ZNF638: variants seen among roughly 807,000 people sequenced by gnomAD.
The protein encoded by ZNF638 is CTCL tumor antigen se33-1.
A neutral mutation model predicts 195.6 loss-of-function variants in ZNF638; 46 were observed. The ratio of observed to expected loss-of-function variants is 0.24; its 90% CI spans 0.19 to 0.30. ZNF638 has a LOEUF of 0.30. Ranked by LOEUF, ZNF638 falls within the 10% of genes least tolerant of loss-of-function variation. The pLI is 1.00. For missense variants in ZNF638, 2,440 were observed against 2,325.3 expected (o/e 1.05, Z -1.01); for synonymous variants, 845 against 772.0 (o/e 1.09, Z -1.57).
intron 1 of ZNF638, 161 bp from the exon 2 acceptor site, chr2:71,348,592 T>C: frequency 8.3e-7 from 1 of 1,199,770 alleles, no homozygotes; most frequent in Non-Finnish European, 1.1e-6. Context: ...GAAGAGAAAG[T>C]TTTTGGGAAA....
intron 7 of ZNF638, among the ~76,000 whole-genome samples, chr2:71,369,120 A>T (rs190797221): frequency 1.3e-5 from 2 of 152,168 alleles, no homozygotes; most frequent in East Asian, 3.9e-4. Flanking sequence ...GGATCGCCTG[A>T]GATCAGGAGT....
At chr2:71,368,990 C>T (rs1228282015) in intron 7 of ZNF638, among the ~76,000 whole-genome samples, 1 of 152,158 alleles carries the variant, frequency 6.6e-6, no homozygotes, top group East Asian at 1.9e-4. Flanking sequence ...CTATAACTCA[C>T]ATGATAAAGT....
intron 15 of ZNF638, among the ~76,000 whole-genome samples, chr2:71,401,547 C>T (rs1272220950): frequency 6.6e-6 from 1 of 152,038 alleles, no homozygotes; most frequent in African/African-American, 2.4e-5. Flanking sequence ...AACAAATGAA[C>T]TTGTGTTTTA....
intron 3 of ZNF638, among the ~76,000 whole-genome samples, chr2:71,359,184 C>A (rs768977464): frequency 1.3e-5 from 2 of 152,044 alleles, no homozygotes; most frequent in East Asian, 3.9e-4. Context: ...ATTATGGAGG[C>A]GGAGAAGTCC....
intron 16 of ZNF638, 94 bp downstream of exon 16, chr2:71,402,181 G>A (rs1468044846): frequency 1.5e-6 from 2 of 1,329,116 alleles, no homozygotes; most frequent in East Asian, 5.1e-5. Context: ...AGGTTTAAAA[G>A]CAGTATCTCA....
At chr2:71,426,368 A>C in intron 23 of ZNF638, 92 bp from the exon 24 acceptor site, 2 of 956,046 alleles carry the variant, frequency 2.1e-6, no homozygotes, top group South Asian at 1.8e-5. Flanking sequence ...AATTCTCCCA[A>C]ATGATCTGCA....
Position 71,428,411 on chromosome 2 carries a change from A to G in ZNF638, c.5546-136A>G, listed in dbSNP as rs189725609. On this transcript the variant is annotated intron_variant, in intron 24 of 27. Transcript: ENST00000264447. ...AAATAGAATTCTTCTATTTTATATT[A>G]GCAGTAGGCTTCCCTCCCAAATTTG... The G allele has an allele frequency of 3.1e-4, 178 of 572,368 alleles. 1 individual carries two copies. Among genetic ancestry groups the G allele is most frequent in the Middle Eastern group, 1.5e-3 (3 of 2,040 alleles). 35.5% of individuals were successfully genotyped at this position (572,368 alleles called of 1,614,324 possible).
chr2:71,356,447 T>C (rs1274427810), intron 3 of ZNF638, among the ~76,000 whole-genome samples: 2 of 152,170 alleles, frequency 1.3e-5, no homozygotes, highest in Non-Finnish European at 2.9e-5. Flanking sequence ...TAACGTGTTA[T>C]TGGGCAAATG....
At chr2:71,393,683 C>T (rs781740317) in intron 10 of ZNF638, 18 of 710,066 alleles carry the variant, frequency 2.5e-5, no homozygotes, top group Non-Finnish European at 4.7e-5. Flanking sequence ...TTTATGCTCT[C>T]GCTTCCCCTG....
intron 20 of ZNF638, among the ~76,000 whole-genome samples, chr2:71,417,747 C>A (rs1044703502): frequency 1.3e-5 from 2 of 151,684 alleles, no homozygotes; most frequent in Non-Finnish European, 2.9e-5. Flanking sequence ...TAAAAACCAT[C>A]ATCTTTAGTT....
chr2:71,346,274 C>T (rs531487074), intron 1 of ZNF638, among the ~76,000 whole-genome samples: 3 of 152,132 alleles, frequency 2.0e-5, no homozygotes, highest in Non-Finnish European at 4.4e-5. Flanking sequence ...ATAAGCAATG[C>T]GTATCTTTTA....
At chr2:71,410,933 T>A (rs1472688064) in intron 20 of ZNF638, among the ~76,000 whole-genome samples, 2 of 150,824 alleles carry the variant, frequency 1.3e-5, no homozygotes, top group Admixed American at 6.6e-5. Flanking sequence ...TGGGACTCAT[T>A]TCCTGCATCC....
chr2:71,404,852 T>G (rs1262991307), intron 17 of ZNF638, among the ~76,000 whole-genome samples: 1 of 152,230 alleles, frequency 6.6e-6, no homozygotes, highest in Admixed American at 6.5e-5. Flanking sequence ...CTTCAGTGCC[T>G]CTATGTGACC....
At chr2:71,374,593 A>T (rs567612118) in intron 8 of ZNF638, among the ~76,000 whole-genome samples, 2 of 152,338 alleles carry the variant, frequency 1.3e-5, no homozygotes, top group East Asian at 1.9e-4. Context: ...TGAATTCGTG[A>T]TAGTATTTTT....
intron 23 of ZNF638, 62 bp downstream of exon 23, chr2:71,424,777 C>A: frequency 7.5e-7 from 1 of 1,339,080 alleles, no homozygotes; most frequent in Non-Finnish European, 1.0e-6. Flanking sequence ...GTTCATCTAT[C>A]TTATAACTTG....
At chr2:71,385,394 C>G (rs546039755) in intron 10 of ZNF638, among the ~76,000 whole-genome samples, 1 of 152,116 alleles carries the variant, frequency 6.6e-6, no homozygotes, top group Non-Finnish European at 1.5e-5. Flanking sequence ...AAATGTTCTT[C>G]AGTGGATGAA....
intron 27 of ZNF638, among the ~76,000 whole-genome samples, chr2:71,434,289 A>G (rs1380782468): frequency 2.0e-5 from 3 of 151,748 alleles, no homozygotes; most frequent in Non-Finnish European, 2.9e-5. Flanking sequence ...TCCCAGTCCT[A>G]CTCGCATGGC....
chr2:71,423,168 C>T lies in ZNF638; in HGVS notation c.3654C>T (p.Asn1218=), dbSNP rs1179769333. The T allele has an allele frequency of 1.2e-6, 2 of 1,614,062 alleles. No individual in the cohort carries two copies. The highest frequency in any genetic ancestry group is 1.7e-6 in the Non-Finnish European group (2 of 1,179,986). ...DLEKKGAEII[N]PKTALLPSDS... is the part of the protein sequence containing the mutation. The stretch of plus-strand genomic sequence containing the variant: ...AGAAGAAAGGGGCAGAAATTATTAA[C>T]CCTAAAACAGCATTGTTACCATCTG... The change falls in exon 22 of 28, where the codon AAC becomes AAT. Residue 1218 remains asparagine, a synonymous_variant. Transcript: ENST00000264447.
chr2:71,369,913 A>G lies in ZNF638; in HGVS notation c.2173A>G (p.Ile725Val), dbSNP rs765217203. Residue 725 changes from isoleucine to valine, a missense_variant, in exon 8 of 28, where the codon ATT becomes GTT. By Grantham distance (29) the Ile-to-Val change is conservative. Around this residue, in one of 5 missense-constraint regions of ZNF638, gnomAD observed 1,883 missense variants for 1,739.1 expected, o/e 1.08. Coordinates refer to ENST00000264447, the MANE Select transcript of ZNF638 (RefSeq NM_014497.5). ...AYLEMEFKEAITAIMKYIETT... is the reference protein window; with the variant it reads ...AYLEMEFKEAVTAIMKYIETT... ...CCTAGAAATGGAATTTAAAGAGGCA[A>G]TTACTGCAATTATGAAGTACATTGA... 27 of 1,591,360 alleles carry G rather than the reference A, an allele frequency of 1.7e-5. No homozygotes were observed. Among genetic ancestry groups the G allele is most frequent in the Admixed American group, 3.7e-5 (2 of 54,392 alleles).
Sources: allele counts gnomAD v4.1 joint callset (sites outside exome capture counted in the v4.1 genomes callset), GRCh38; gene constraint gnomAD v4.1.1; regional missense constraint gnomAD v4.1.1; transcripts MANE v1.5; gene names NCBI Gene and HGNC (gene_info 2026-07-23, HGNC 2026-07-21).